SMAD6: variants seen among roughly 807,000 people sequenced by gnomAD.
The protein encoded by SMAD6 is SMAD family member 6.
Under a neutral mutation model 39.4 loss-of-function variants are expected in SMAD6, and 103 were observed. The observed-to-expected ratio is 2.62, with a 90% CI of 2.23 to 3.08. SMAD6 has a LOEUF of 3.08. Among genes scored for constraint, SMAD6 ranks in the 30% most tolerant of loss-of-function variants. The pLI, the probability that SMAD6 is intolerant of heterozygous loss-of-function variation, is 0.00. For missense variants in SMAD6, 1,104 were observed against 742.9 expected (o/e 1.49, Z -5.65); for synonymous variants, 445 against 353.3 (o/e 1.26, Z -2.91).
At chr15:66,759,885 T>A (rs918917315) in intron 3 of SMAD6, among the ~76,000 whole-genome samples, 13 of 152,222 alleles carry the variant, frequency 8.5e-5, no homozygotes, top group Admixed American at 7.2e-4. Context: ...GGGAACTGTT[T>A]GGGTTCTGGC....
chr15:66,780,372 C>T (rs1307529817), intron 3 of SMAD6, among the ~76,000 whole-genome samples: 1 of 152,088 alleles, frequency 6.6e-6, no homozygotes, highest in African/African-American at 2.4e-5. Flanking sequence ...TCCTCCCACC[C>T]CCAGCCCGCC....
chr15:66,766,363 G>A (rs1894288394), intron 3 of SMAD6, among the ~76,000 whole-genome samples: 2 of 152,204 alleles, frequency 1.3e-5, no homozygotes, highest in South Asian at 2.1e-4. Context: ...AAAATGGCAG[G>A]AAGAATGTCT....
At chr15:66,717,493 T>G (rs1429433904) in intron 3 of SMAD6, 1 of 450,306 alleles carries the variant, frequency 2.2e-6, no homozygotes, top group Non-Finnish European at 4.5e-6. Context: ...CCCCCACTTT[T>G]CTGCAAGGGC....
intron 1 of SMAD6, chr15:66,708,581 T>A: frequency 2.6e-6 from 1 of 390,184 alleles, no homozygotes. Context: ...TGGAATATCA[T>A]TCACCCATGA....
At position 66,703,550 on chromosome 15, in the gene SMAD6, G is replaced by C; in HGVS notation, c.292G>C (p.Ala98Pro). Residue 98 changes from alanine (A) to proline (P), a missense_variant, in exon 1 of 4, where the codon GCC becomes CCC. Ala to Pro is a conservative substitution (Grantham distance 27, BLOSUM62 -1). Transcript: ENST00000288840. ...GPPRPMSEPG[A>P]GAGSSLLDVA... ...CCCGAGGCCCATGTCGGAGCCAGGG[G>C]CCGGCGCTGGGAGCTCCCTGCTGGA... The C allele has an allele frequency of 8.2e-7, 1 of 1,221,868 alleles. No individual in the cohort carries two copies. The highest frequency in any genetic ancestry group is 1.0e-6 in the Non-Finnish European group (1 of 979,104). The allele number at this position is 1,221,868 out of a possible 1,614,324, so 75.7% of individuals were successfully genotyped here. A position where few individuals can be genotyped will look rare whatever the true frequency, so the allele number is the denominator to read the frequency against.
chr15:66,719,727 G>C (rs1893398198), intron 3 of SMAD6, among the ~76,000 whole-genome samples: 1 of 152,230 alleles, frequency 6.6e-6, no homozygotes, highest in South Asian at 2.1e-4. Context: ...CCAGGCCCAG[G>C]CAGGCAAGGA....
chr15:66,762,177 T>C (rs906445092), intron 3 of SMAD6, among the ~76,000 whole-genome samples: 14 of 152,354 alleles, frequency 9.2e-5, no homozygotes, highest in Admixed American at 7.2e-4. Flanking sequence ...AAGGAAGGAA[T>C]GATGTTTACA....
At chr15:66,770,526 C>T (rs1894362104) in intron 3 of SMAD6, among the ~76,000 whole-genome samples, 1 of 152,140 alleles carries the variant, frequency 6.6e-6, no homozygotes. Flanking sequence ...TAGAACCTTT[C>T]CAGGGGCAAT....
chr15:66,781,165 A>AGCAGC lies in SMAD6; in HGVS notation c.1128_1132dup (p.Glu378AlafsTer163), dbSNP rs1894558336. On this transcript the variant is annotated frameshift_variant, in exon 4 of 4. Transcript: ENST00000288840. LOFTEE classifies it high-confidence loss of function. Reference sequence around the variant, plus strand: ...TTCTGCCTGGGCCAGCTCAACCTGGAGCAGCGCAGCGAGTCGGTGCGGCGA... The same window carrying AGCAGC: ...TTCTGCCTGGGCCAGCTCAACCTGGAGCAGCGCAGCGCAGCGAGTCGGTGCGGCGA... The AGCAGC allele has an allele frequency of 6.2e-7, 1 of 1,607,888 alleles. No individual in the cohort carries two copies. The highest frequency in any genetic ancestry group is 1.1e-5 in the South Asian group (1 of 91,036).
chr15:66,734,595 TAAAG>T (rs917281142), intron 3 of SMAD6, among the ~76,000 whole-genome samples: 8 of 152,172 alleles, frequency 5.3e-5, no homozygotes, highest in Admixed American at 4.6e-4. Context: ...ATTTTACAGA[TAAAG>T]AAACTGAGGC....
At chr15:66,718,110 C>CTGTGTGTG (rs1390215623) in intron 3 of SMAD6, among the ~76,000 whole-genome samples, 5 of 72,414 alleles carry the variant, frequency 6.9e-5, no homozygotes, top group African/African-American at 3.5e-4. Flanking sequence ...GATGGAAAGT[C>CTGTGTGTG]CGTGTGTGTG....
Position 66,716,916 on chromosome 15 carries a change from T to A in SMAD6, c.952+418T>A, listed in dbSNP as rs1012644914. The A allele has an allele frequency of 8.6e-6, 10 of 1,167,972 alleles. No individual in the cohort carries two copies. The African/African-American group carries it at 1.3e-4, about 15-fold the overall frequency. 72.4% of individuals were successfully genotyped at this position (1,167,972 alleles called of 1,614,324 possible). The stretch of plus-strand genomic sequence containing the variant: ...GGACCAATGTGAAGGGTCAGAAGAT[T>A]GGGGGAATTGGAGCCGGTTGAATGA... On this transcript the variant is annotated intron_variant, in intron 3 of 3. Coordinates refer to ENST00000288840, the MANE Select transcript of SMAD6 (RefSeq NM_005585.5).
chr15:66,715,595 C>T (rs749914828), intron 2 of SMAD6, among the ~76,000 whole-genome samples: 4 of 152,162 alleles, frequency 2.6e-5, no homozygotes, highest in Non-Finnish European at 5.9e-5. Flanking sequence ...AGCAGAGGCA[C>T]AGGCCCAGGA....
intron 1 of SMAD6, among the ~76,000 whole-genome samples, chr15:66,708,500 C>T (rs1377449070): frequency 1.3e-5 from 2 of 152,148 alleles, no homozygotes; most frequent in Admixed American, 6.5e-5. Flanking sequence ...TCATAACAGC[C>T]AAAGAGAGGA....
At chr15:66,732,293 T>C (rs551438660) in intron 3 of SMAD6, among the ~76,000 whole-genome samples, 1 of 152,294 alleles carries the variant, frequency 6.6e-6, no homozygotes, top group East Asian at 1.9e-4. Context: ...CATGTTTTCA[T>C]GTGCTAACTT....
intron 3 of SMAD6, among the ~76,000 whole-genome samples, chr15:66,752,258 C>T (rs1894020294): frequency 6.6e-6 from 1 of 152,020 alleles, no homozygotes; most frequent in Non-Finnish European, 1.5e-5. Context: ...TGTGGGGGGC[C>T]CTCCCCACTT....
intron 3 of SMAD6, chr15:66,717,158 G>A: frequency 7.8e-7 from 1 of 1,285,956 alleles, no homozygotes; most frequent in Non-Finnish European, 1.0e-6. Context: ...TTGGACTGGG[G>A]ACATCGAGGG....
At chr15:66,711,810 G>A in intron 2 of SMAD6, 86 bp downstream of exon 2, 6 of 983,916 alleles carry the variant, frequency 6.1e-6, no homozygotes, top group Non-Finnish European at 6.5e-6. Flanking sequence ...CCTCAGGGCT[G>A]GAGGGCTGGA....
At chr15:66,726,493 G>C (rs566056096) in intron 3 of SMAD6, among the ~76,000 whole-genome samples, 2 of 152,210 alleles carry the variant, frequency 1.3e-5, no homozygotes, top group African/African-American at 2.4e-5. Context: ...TTGACTGAGA[G>C]GGAAGCCGAG....
Sources: allele counts gnomAD v4.1 joint callset (sites outside exome capture counted in the v4.1 genomes callset), GRCh38; gene constraint gnomAD v4.1.1; transcripts MANE v1.5; gene names NCBI Gene and HGNC (gene_info 2026-07-23, HGNC 2026-07-21).